Variants in ANAPC10 observed in about 807,000 individuals in gnomAD.
ANAPC10 encodes the protein anaphase-promoting complex subunit 10.
ANAPC10 carries 12 observed loss-of-function variants against 22.0 expected under a neutral mutation model. The ratio of observed to expected loss-of-function variants is 0.55; its 90% CI spans 0.35 to 0.88. The LOEUF is 0.88. Among genes scored for constraint, ANAPC10 ranks in the 40% least tolerant of loss-of-function variants. ANAPC10 has a pLI of 0.01. For missense variants in ANAPC10, 188 were observed against 220.9 expected, an observed-to-expected ratio of 0.85 and a Z score of 0.94; for synonymous variants, 65 against 69.5, an observed-to-expected ratio of 0.94 and a Z score of 0.32.
Position 145,006,210 on chromosome 4 carries a change from C to CT in ANAPC10, c.328-10608dup, listed in dbSNP as rs551135589. Reference sequence around the variant, plus strand: ...GAGCTCTTTACCATTATGTAATGCCCTTTTTGTCTTTTGTGATCTTTGTTG... The same window carrying CT: ...GAGCTCTTTACCATTATGTAATGCCCTTTTTTGTCTTTTGTGATCTTTGTTG... On this transcript the variant is annotated intron_variant, in intron 4 of 4. Transcript: ENST00000507656. 4.4e-3 allele frequency among the ~76,000 whole-genome samples: 671 copies of CT among 152,032 alleles called. 3 individuals carry two copies. The highest frequency in any genetic ancestry group is 0.015 in the African/African-American group (617 of 41,504).
chr4:145,097,895 T>C, intron 1 of ANAPC10: 1 of 250,684 alleles, frequency 4.0e-6, no homozygotes, highest in Non-Finnish European at 8.0e-6. Context: ...ACCACACAGT[T>C]GAGAGGAAGT....
chr4:145,034,142 C>T (rs951215782), intron 4 of ANAPC10, among the ~76,000 whole-genome samples: 10 of 151,906 alleles, frequency 6.6e-5, no homozygotes, highest in African/African-American at 1.2e-4. Flanking sequence ...GGTAGACTTG[C>T]GATGGTTAAT....
intron 2 of ANAPC10, among the ~76,000 whole-genome samples, chr4:145,085,692 C>T (rs1041219916): frequency 4.6e-5 from 7 of 152,112 alleles, no homozygotes; most frequent in Non-Finnish European, 1.0e-4. Flanking sequence ...CTAATATCTT[C>T]AAGTACTGAT....
chr4:145,074,326 G>A (rs940008095), intron 3 of ANAPC10, among the ~76,000 whole-genome samples: 1 of 151,970 alleles, frequency 6.6e-6, no homozygotes, highest in Admixed American at 6.5e-5. Context: ...GGAGGGCAGA[G>A]GGCTTTTTCC....
At chr4:145,087,385 C>T (rs72718281) in intron 2 of ANAPC10, among the ~76,000 whole-genome samples, 42,354 of 151,826 alleles carry the variant, frequency 0.28, 7,428 homozygotes, top group Non-Finnish European at 0.38. Flanking sequence ...GAGACAGGGT[C>T]TCATTCTGTT....
At chr4:145,083,383 A>G (rs1022237082) in intron 2 of ANAPC10, among the ~76,000 whole-genome samples, 8 of 152,150 alleles carry the variant, frequency 5.3e-5, no homozygotes, top group African/African-American at 1.9e-4. Context: ...ATTACAAACA[A>G]TACTGCAATA....
intron 4 of ANAPC10, among the ~76,000 whole-genome samples, chr4:145,037,438 A>G (rs1182491883): frequency 1.3e-5 from 2 of 152,182 alleles, no homozygotes; most frequent in Non-Finnish European, 2.9e-5. Context: ...TTTAACAGTA[A>G]ATAAATATTG....
chr4:145,008,660 A>C (rs187626431), intron 4 of ANAPC10, among the ~76,000 whole-genome samples: 11 of 152,338 alleles, frequency 7.2e-5, no homozygotes, highest in Admixed American at 7.2e-4. Flanking sequence ...AAAAACTCTC[A>C]ATAAACTAGG....
At chr4:145,047,349 G>A (rs768671597) in intron 4 of ANAPC10, among the ~76,000 whole-genome samples, 10 of 152,042 alleles carry the variant, frequency 6.6e-5, no homozygotes, top group East Asian at 1.9e-4. Flanking sequence ...GGGTTTTTCC[G>A]TCTGTAAGCC....
Position 145,085,552 on chromosome 4 carries a change from CA to C in ANAPC10, c.116-3803del, listed in dbSNP as rs200306281. On this transcript the variant is annotated intron_variant, in intron 2 of 4. Coordinates refer to ENST00000507656, the MANE Select transcript of ANAPC10 (RefSeq NM_001256706.2). Reference sequence around the variant, plus strand: ...CAAAATAGTATTTGTTCTTAAAATGCAAAAAAAAAATTAAACACAAATCTGA... The same window carrying C: ...CAAAATAGTATTTGTTCTTAAAATGCAAAAAAAAATTAAACACAAATCTGA... Among the ~76,000 whole-genome samples the C allele has an allele frequency of 1.1e-3, 160 of 143,310 alleles. 1 individual carries two copies. The highest frequency in any genetic ancestry group is 3.7e-3 in the African/African-American group (144 of 39,156). The allele number at this position is 143,310 out of a possible 152,430, so 94.0% of individuals were successfully genotyped here.
intron 4 of ANAPC10, among the ~76,000 whole-genome samples, chr4:145,044,571 T>C (rs2127158397): frequency 6.6e-6 from 1 of 152,216 alleles, no homozygotes; most frequent in South Asian, 2.1e-4. Flanking sequence ...TCTTCTGGGG[T>C]TTTCATTCGC....
intron 2 of ANAPC10, among the ~76,000 whole-genome samples, chr4:145,082,007 G>A (rs985127095): frequency 6.6e-6 from 1 of 152,110 alleles, no homozygotes; most frequent in African/African-American, 2.4e-5. Context: ...ATAGCACCCA[G>A]CTGTGAAACT....
intron 2 of ANAPC10, among the ~76,000 whole-genome samples, chr4:145,083,659 T>C (rs1410205837): frequency 6.6e-6 from 1 of 152,160 alleles, no homozygotes; most frequent in Non-Finnish European, 1.5e-5. Flanking sequence ...TTATATTGAT[T>C]ATATGTTGAA....
At chr4:145,044,272 T>C (rs750413295) in intron 4 of ANAPC10, among the ~76,000 whole-genome samples, 4 of 152,042 alleles carry the variant, frequency 2.6e-5, no homozygotes, top group Non-Finnish European at 4.4e-5. Flanking sequence ...AGAAAAGAGC[T>C]CAATGCAACA....
chr4:145,077,059 C>T (rs1281234375), intron 3 of ANAPC10, among the ~76,000 whole-genome samples: 1 of 151,980 alleles, frequency 6.6e-6, no homozygotes, highest in Non-Finnish European at 1.5e-5. Flanking sequence ...ATTAGGTGGG[C>T]GTGGTGGCAG....
intron 4 of ANAPC10, among the ~76,000 whole-genome samples, chr4:145,030,460 TG>T (rs1345507176): frequency 1.3e-5 from 2 of 152,208 alleles, no homozygotes; most frequent in Admixed American, 1.3e-4. Context: ...TGGGGACTAC[TG>T]GACACTGGCT....
At chr4:145,030,814 T>A (rs143281807) in intron 4 of ANAPC10, among the ~76,000 whole-genome samples, 5 of 152,050 alleles carry the variant, frequency 3.3e-5, no homozygotes, top group Non-Finnish European at 7.4e-5. Context: ...CCTGGAGGGG[T>A]TGCAAAGATT....
chr4:144,995,468 G>GTC lies in ANAPC10; in HGVS notation c.461_462dup (p.Gln155AspfsTer9). The GTC allele has an allele frequency of 6.2e-7, 1 of 1,613,508 alleles. No individual in the cohort carries two copies. Among genetic ancestry groups the GTC allele is most frequent in the Non-Finnish European group, 8.5e-7 (1 of 1,179,666 alleles). ...TCTACTGGTGTGTATATTTTAATTTGTCTCATATGGGTGTCTCTTCCATTC... is the reference window on the plus strand; with the variant it reads ...TCTACTGGTGTGTATATTTTAATTTGTCTCTCATATGGGTGTCTCTTCCATTC... On this transcript the variant is annotated frameshift_variant, in exon 5 of 5. Coordinates refer to ENST00000507656, the MANE Select transcript of ANAPC10 (RefSeq NM_001256706.2). LOFTEE classifies it high-confidence loss of function.
At chr4:145,052,078 G>A (rs1741185131) in intron 4 of ANAPC10, among the ~76,000 whole-genome samples, 1 of 152,144 alleles carries the variant, frequency 6.6e-6, no homozygotes, top group South Asian at 2.1e-4. Context: ...CAGAAGCAGG[G>A]AGTAGGATGA....
Sources: allele counts gnomAD v4.1 joint callset (sites outside exome capture counted in the v4.1 genomes callset), GRCh38; gene constraint gnomAD v4.1.1; transcripts MANE v1.5; gene names NCBI Gene and HGNC (gene_info 2026-07-23, HGNC 2026-07-21).